The following GPR137 variants were observed in gnomAD, a reference collection of about 807,000 sequenced individuals.
GPR137 encodes the protein integral membrane protein GPR137.
A neutral mutation model predicts 38.9 loss-of-function variants in GPR137; 20 were observed. That is an observed-to-expected ratio of 0.51 (90% CI 0.36 to 0.75). The LOEUF (loss-of-function observed/expected upper bound fraction) is 0.75, where lower values mean the gene tolerates loss of function less well. Ranked by LOEUF, GPR137 falls within the 30% of genes least tolerant of loss-of-function variation. GPR137 has a pLI of 0.00. For synonymous variants in GPR137, 226 were observed against 235.8 expected (o/e 0.96, Z 0.38); for missense variants, 456 against 526.4 (o/e 0.87, Z 1.31).
At chr11:64,271,500 G>T, upstream of GPR137, 1 of 1,130,602 alleles carries the variant, frequency 8.8e-7, no homozygotes, top group Non-Finnish European at 1.2e-6. Context: ...GGACGGCTTT[G>T]GGGAGGGGTC....
At chr11:64,278,779 C>T (rs1443013418) in intron 2 of GPR137, among the ~76,000 whole-genome samples, 1 of 152,202 alleles carries the variant, frequency 6.6e-6, no homozygotes, top group Non-Finnish European at 1.5e-5. Context: ...GACACCTCAG[C>T]CATCCAGCAG....
At chr11:64,281,206 T>C (rs1291381887), upstream of GPR137, among the ~76,000 whole-genome samples, 1 of 152,124 alleles carries the variant, frequency 6.6e-6, no homozygotes, top group Non-Finnish European at 1.5e-5. Context: ...GACCTCATGA[T>C]CTGCCCACCT....
rs759824628 is a variant in GPR137, at chr11:64,288,697, A to T, written c.1007A>T (p.Glu336Val). Residue 336 changes from glutamate (E) to valine (V), a missense_variant, in exon 6 of 7, where the codon GAG becomes GTG. Transcript: ENST00000438980. The surrounding 1 kb of genome is among the most constrained non-coding windows in gnomAD (Gnocchi z 5.5). ...TGTGAAGATGAGGGCTGCTCCTGGG[A>T]GCACAGCCGGGGTGAGAGCACCAGG... Reference protein sequence around the residue: ...GHCEDEGCSWEHSRGESTSMS... With the variant: ...GHCEDEGCSWVHSRGESTSMS... The T allele has an allele frequency of 2.6e-5, 41 of 1,575,790 alleles. No homozygotes were observed. The highest frequency in any genetic ancestry group is 3.5e-5 in the Non-Finnish European group (41 of 1,159,524).
In GPR137 at chr11:64,287,736, G is replaced by A. The variant is rs750125487; in HGVS notation, c.423G>A (p.Gly141=). The A allele has an allele frequency of 8.1e-6, 13 of 1,604,912 alleles. No individual in the cohort carries two copies. Among genetic ancestry groups the A allele is most frequent in the African/African-American group, 5.3e-5 (4 of 74,914 alleles). Residue 141 remains glycine (G), a synonymous_variant, in exon 3 of 7, where the codon GGG becomes GGA. Coordinates refer to ENST00000438980, the MANE Select transcript of GPR137 (RefSeq NM_001170880.2). ...EMSRGLLAVR[G]AFVGASLLFL... Reference sequence around the variant, plus strand: ...GTGGCTGCAGGCTCGCTGTCCGAGGGGCCTTTGTGGGGGCCTCGCTGCTCT... The same window carrying A: ...GTGGCTGCAGGCTCGCTGTCCGAGGAGCCTTTGTGGGGGCCTCGCTGCTCT...
upstream of GPR137, chr11:64,270,779 A>T (rs1426363206): frequency 2.3e-6 from 1 of 425,860 alleles, no homozygotes; most frequent in Non-Finnish European, 4.7e-6. Context: ...TGGGCGACAG[A>T]GCGCACAGGT....
At chr11:64,271,776 C>G, upstream of GPR137, 1 of 1,374,742 alleles carries the variant, frequency 7.3e-7, no homozygotes, top group Non-Finnish European at 9.4e-7. Context: ...GGAGCTGTGG[C>G]GACTCCGGAT....
At chr11:64,284,828 T>A (rs1424904177), upstream of GPR137, 1 of 1,517,318 alleles carries the variant, frequency 6.6e-7, no homozygotes, top group Non-Finnish European at 8.8e-7. Context: ...AGGCTCCTCG[T>A]CCGCATCCTT....
At chr11:64,280,440 C>T (rs2033386043), upstream of GPR137, among the ~76,000 whole-genome samples, 1 of 147,410 alleles carries the variant, frequency 6.8e-6, no homozygotes, top group Non-Finnish European at 1.5e-5. Flanking sequence ...CAAGCTCTGC[C>T]TCCCGGGTTC....
Position 64,286,979 on chromosome 11 carries a change from C to G in GPR137, c.372C>G (p.Ala124=). Residue 124 remains alanine, a synonymous_variant, in exon 2 of 7, where the codon GCC becomes GCG. Coordinates refer to ENST00000438980, the MANE Select transcript of GPR137 (RefSeq NM_001170880.2). ...TCTGCTCCTAGGTGGTGTTCAAGGC[C>G]AAGGTGAAGCGTCGGCCGGAGATGA... The part of the protein sequence containing the change: ...NLYFAQVVFK[A]KVKRRPEMSR... 2 of 1,613,874 alleles carry G rather than the reference C, an allele frequency of 1.2e-6. No individual in the cohort carries two copies. Among genetic ancestry groups the G allele is most frequent in the Admixed American group, 1.7e-5 (1 of 60,006 alleles).
chr11:64,286,351 G>C lies in GPR137; in HGVS notation c.-174G>C, dbSNP rs2034048606. 3.8e-5 allele frequency: 53 copies of C among 1,402,106 alleles called. 1 individual carries two copies. In the South Asian group the frequency reaches 8.5e-4, roughly 23 times the overall value. 86.9% of individuals were successfully genotyped at this position (1,402,106 alleles called of 1,614,324 possible). ...GGCCCAGGCTGCCTGTGTTCCCCAA[G>C]GGCAAGGGTCTCTCTGTTGAGGAGG... On this transcript the variant is annotated 5_prime_UTR_variant, in exon 1 of 7. Transcript: ENST00000438980.
chr11:64,288,593 C>T lies in GPR137; in HGVS notation c.913-10C>T, dbSNP rs751045990. 1.1e-5 allele frequency: 17 copies of T among 1,612,944 alleles called. No individual in the cohort carries two copies. In the Middle Eastern group the frequency reaches 8.2e-4, roughly 78 times the overall value. On this transcript the variant is annotated splice_polypyrimidine_tract_variant and intron_variant, in intron 5 of 6. Coordinates refer to ENST00000438980, the MANE Select transcript of GPR137 (RefSeq NM_001170880.2). The surrounding 1 kb of genome is among the most constrained non-coding windows in gnomAD (Gnocchi z 5.5). ...CAGGAGTAAGTATCGATGATGGCTT[C>T]CTCCCCCAGAGCACCAGCCACATCC...
At chr11:64,284,391 T>A (rs371764981), upstream of GPR137, 2 of 1,611,984 alleles carry the variant, frequency 1.2e-6, no homozygotes, top group Non-Finnish European at 1.7e-6. Context: ...GAGGACAAGA[T>A]GTTACGTAGT....
chr11:64,289,097 G>C lies in GPR137; in HGVS notation c.1092G>C (p.Trp364Cys), dbSNP rs2034492517. 6.2e-7 allele frequency: 1 copy of C among 1,612,048 alleles called. No individual in the cohort carries two copies. The highest frequency in any genetic ancestry group is 1.7e-5 in the Admixed American group (1 of 59,962). Residue 364 changes from tryptophan (W) to cysteine (C), a missense_variant, in exon 7 of 7, where the codon TGG becomes TGC. Coordinates refer to ENST00000438980, the MANE Select transcript of GPR137 (RefSeq NM_001170880.2). Reference protein sequence around the residue: ...WYGAIGREPGWYGGSQTKTTP... With the variant: ...WYGAIGREPGCYGGSQTKTTP... Reference sequence around the variant, plus strand: ...GTGCCATCGGGCGTGAGCCGGGCTGGTATGGGGGCAGCCAGACGAAGACCA... The same window carrying C: ...GTGCCATCGGGCGTGAGCCGGGCTGCTATGGGGGCAGCCAGACGAAGACCA...
At chr11:64,284,375 G>A, upstream of GPR137, 1 of 1,612,646 alleles carries the variant, frequency 6.2e-7, no homozygotes, top group Non-Finnish European at 8.5e-7. Flanking sequence ...ACATGCTCTG[G>A]GCTGTGAGGA....
chr11:64,287,537 C>A, intron 2 of GPR137, 184 bp from the exon 3 acceptor site: 3 of 779,218 alleles, frequency 3.9e-6, no homozygotes, highest in Non-Finnish European at 4.7e-6. Flanking sequence ...TTCCGAAGTA[C>A]CATGGCTGTC....
Position 64,286,057 on chromosome 11 carries a change from A to C in GPR137, c.-468A>C. On this transcript the variant is annotated 5_prime_UTR_variant, in exon 1 of 7. Transcript: ENST00000438980. Reference sequence around the variant, plus strand: ...CCCCATCCGCATTATTGGAGGAGAGAGAGCCTCCCCCAGCTTGGGGAGGGG... The same window carrying C: ...CCCCATCCGCATTATTGGAGGAGAGCGAGCCTCCCCCAGCTTGGGGAGGGG... The C allele has an allele frequency of 2.0e-6, 2 of 988,126 alleles. No individual in the cohort carries two copies. Among genetic ancestry groups the C allele is most frequent in the Non-Finnish European group, 2.4e-6 (2 of 831,638 alleles). 61.2% of individuals were successfully genotyped at this position (988,126 alleles called of 1,614,324 possible). A position where few individuals can be genotyped will look rare whatever the true frequency, so the allele number is the denominator to read the frequency against.
chr11:64,289,479 G>T lies in GPR137; in HGVS notation c.*283G>T. ...TCCTGTGCCTGCCACTCAATAAACAGTGTCTGCGCCCCACAGTTGTGCACC... is the reference window on the plus strand; with the variant it reads ...TCCTGTGCCTGCCACTCAATAAACATTGTCTGCGCCCCACAGTTGTGCACC... On this transcript the variant is annotated 3_prime_UTR_variant, in exon 7 of 7. Coordinates refer to ENST00000438980, the MANE Select transcript of GPR137 (RefSeq NM_001170880.2). 1 of 1,460,442 alleles carries T rather than the reference G, an allele frequency of 6.8e-7. No individual in the cohort carries two copies. Among genetic ancestry groups the T allele is most frequent in the Admixed American group, 2.5e-5 (1 of 40,214 alleles). The allele number at this position is 1,460,442 out of a possible 1,614,324, so 90.5% of individuals were successfully genotyped here.
intron 1 of GPR137, among the ~76,000 whole-genome samples, chr11:64,276,017 A>T (rs1260367032): frequency 6.6e-6 from 1 of 152,062 alleles, no homozygotes; most frequent in Non-Finnish European, 1.5e-5. Flanking sequence ...TCCCAACCCA[A>T]CCAATGTGGC....
At chr11:64,287,261 G>T in intron 2 of GPR137, 1 of 985,428 alleles carries the variant, frequency 1.0e-6, no homozygotes, top group Non-Finnish European at 1.2e-6. Context: ...CCACCATGGA[G>T]GGCGAGCTGG....
Sources: gnomAD v4.1 joint callset for allele counts (sites outside exome capture counted in the v4.1 genomes callset) on GRCh38, gnomAD v4.1.1 for gene constraint, Gnocchi (gnomAD v3.1) non-coding constraint, MANE v1.5 for transcripts, NCBI Gene and HGNC (gene_info 2026-07-23, HGNC 2026-07-21) for gene names.